FCRL4: variants seen among roughly 807,000 people sequenced by gnomAD.
The protein encoded by FCRL4 is Fc receptor like 4, also known as Fc receptor-like protein 4.
In FCRL4, 43 loss-of-function variants were observed where a neutral mutation model predicts 64.1. That is an observed-to-expected ratio of 0.67 (90% CI 0.53 to 0.87). The LOEUF (loss-of-function observed/expected upper bound fraction) is 0.87, where lower values mean the gene tolerates loss of function less well. Among genes scored for constraint, FCRL4 ranks in the 40% least tolerant of loss-of-function variants. The probability of loss-of-function intolerance (pLI) is 0.00; values close to 1 mark genes in which losing one functional copy is unlikely to be tolerated. For missense variants in FCRL4, 656 were observed against 613.5 expected (o/e 1.07, Z -0.73); for synonymous variants, 253 against 239.8 (o/e 1.05, Z -0.51).
chr1:157,592,934 T>C (rs1030922338), intron 2 of FCRL4, among the ~76,000 whole-genome samples: 39 of 152,232 alleles, frequency 2.6e-4, no homozygotes, highest in Non-Finnish European at 4.9e-4. Flanking sequence ...ATGTCCTTTG[T>C]AGGGACATGG....
chr1:157,592,401 A>G (rs1353378144), intron 2 of FCRL4, among the ~76,000 whole-genome samples: 2 of 152,058 alleles, frequency 1.3e-5, no homozygotes, highest in African/African-American at 4.8e-5. Flanking sequence ...ACAAGAAAAA[A>G]AAACCCATCA....
chr1:157,581,141 G>A (rs1175952083), intron 7 of FCRL4, among the ~76,000 whole-genome samples: 4 of 152,350 alleles, frequency 2.6e-5, no homozygotes, highest in Non-Finnish European at 5.9e-5. Flanking sequence ...AATCATTTCT[G>A]CAGAGCCTTT....
At chr1:157,589,495 G>A (rs770055858) in intron 2 of FCRL4, 37 bp from the exon 3 acceptor site, 4 of 1,604,580 alleles carry the variant, frequency 2.5e-6, no homozygotes, top group Non-Finnish European at 3.4e-6. Flanking sequence ...AGGTGGAGGT[G>A]CCTGCAGTCC....
chr1:157,593,879 A>T lies in FCRL4; in HGVS notation c.52+2449T>A, dbSNP rs115691199. 5.7e-3 allele frequency among the ~76,000 whole-genome samples: 862 copies of T among 152,368 alleles called. 6 individuals are homozygous for T. Among genetic ancestry groups the T allele is most frequent in the African/African-American group, 0.02 (833 of 41,592 alleles). ...ACACAAATTATTCACTATTAGAAAC[A>T]TTCACTCAAACGTCCTTACCAATAT... On this transcript the variant is annotated intron_variant, in intron 2 of 11. Transcript: ENST00000271532.
chr1:157,580,279 A>C (rs774412572), intron 8 of FCRL4, 42 bp downstream of exon 8: 1 of 1,611,254 alleles, frequency 6.2e-7, no homozygotes, highest in Non-Finnish European at 8.5e-7. Flanking sequence ...CATATTGTGT[A>C]CTCGGGAAAC....
In FCRL4 at chr1:157,589,216, G is replaced by A. The variant is rs1652776316; in HGVS notation, c.295C>T (p.Leu99Phe). 6.2e-7 allele frequency: 1 copy of A among 1,613,074 alleles called. No homozygotes were observed. The highest frequency in any genetic ancestry group is 8.5e-7 in the Non-Finnish European group (1 of 1,179,340). ...CCTTCTTTCTCACCTGAAGAAAAGA[G>A]CAAGCGCACAGGGTTACTTCGTGGG... ...GSPRSNPVRL[L>F]FSSDSLILQA... Residue 99 changes from leucine (L) to phenylalanine (F), a missense_variant, in exon 3 of 12, where the codon CTC becomes TTC. Coordinates refer to ENST00000271532, the MANE Select transcript of FCRL4 (RefSeq NM_031282.3).
Position 157,575,601 on chromosome 1 carries a change from C to T in FCRL4, c.1471G>A (p.Val491Ile), listed in dbSNP as rs1305951112. Reference sequence around the variant, plus strand: ...TGTGTCTTTACCTCAGAGTAGACAACTGAGACATCCTGAAATGGAAGAAAG... The same window carrying T: ...TGTGTCTTTACCTCAGAGTAGACAATTGAGACATCCTGAAATGGAAGAAAG... Reference protein sequence around the residue: ...RTLLEDKDVSVVYSEVKTQHP... With the variant: ...RTLLEDKDVSIVYSEVKTQHP... Residue 491 changes from valine to isoleucine, a missense_variant, in exon 12 of 12, where the codon GTT becomes ATT. Physicochemically the swap from Val to Ile is conservative, Grantham distance 29. Coordinates refer to ENST00000271532, the MANE Select transcript of FCRL4 (RefSeq NM_031282.3). The T allele has an allele frequency of 1.9e-6, 3 of 1,613,600 alleles. No individual in the cohort carries two copies. The highest frequency in any genetic ancestry group is 2.7e-5 in the African/African-American group (2 of 74,872).
chr1:157,594,045 C>T (rs1268022411), intron 2 of FCRL4, among the ~76,000 whole-genome samples: 4 of 152,144 alleles, frequency 2.6e-5, no homozygotes, highest in Non-Finnish European at 5.9e-5. Context: ...TATGTGGAAC[C>T]ACTGCTCTGA....
chr1:157,577,472 A>T (rs1199063699), intron 10 of FCRL4, among the ~76,000 whole-genome samples: 1 of 152,236 alleles, frequency 6.6e-6, no homozygotes, highest in Non-Finnish European at 1.5e-5. Context: ...CAGGGACTGG[A>T]TTTATCTTCC....
intron 10 of FCRL4, among the ~76,000 whole-genome samples, chr1:157,576,875 A>G (rs1652427272): frequency 6.6e-6 from 1 of 152,218 alleles, no homozygotes; most frequent in African/African-American, 2.4e-5. Flanking sequence ...TTTGTCCTTT[A>G]CTGGCTTTGT....
rs1184216327 is a variant in FCRL4, at chr1:157,585,371, TTTCTTTCTTTCTTTC to T, written c.1135+782_1135+796del. Reference sequence around the variant, plus strand: ...CTTTCTTTCTTTCTTTCTTTCTTTCTTTCTTTCTTTCTTTCTTTCTTTCCTTCTTTCTTTCTTTCT... The same window carrying T: ...CTTTCTTTCTTTCTTTCTTTCTTTCTTTTCTTTCCTTCTTTCTTTCTTTCT... On this transcript the variant is annotated intron_variant, in intron 6 of 11. Transcript: ENST00000271532. 5.6e-3 allele frequency among the ~76,000 whole-genome samples: 674 copies of T among 119,550 alleles called. 3 individuals carry two copies. Among genetic ancestry groups the T allele is most frequent in the Non-Finnish European group, 7.7e-3 (433 of 56,374 alleles). The allele number at this position is 119,550 out of a possible 152,430, so 78.4% of individuals were successfully genotyped here.
At position 157,575,746 on chromosome 1, in the gene FCRL4, G is replaced by T; in HGVS notation, c.1430-16C>A. On this transcript the variant is annotated splice_polypyrimidine_tract_variant and intron_variant, in intron 10 of 11. Coordinates refer to ENST00000271532, the MANE Select transcript of FCRL4 (RefSeq NM_031282.3). ...GAGGTATTAGCTGTGGACAGAAAGA[G>T]AATCACTGGACTATGGGCATAATGA... is the stretch of plus-strand genomic sequence containing the variant. 1.2e-6 allele frequency: 2 copies of T among 1,613,236 alleles called. No homozygotes were observed. The highest frequency in any genetic ancestry group is 1.3e-5 in the African/African-American group (1 of 75,002).
In FCRL4 at chr1:157,596,341, G is replaced by T; in HGVS notation, c.39C>A (p.Val13=). The T allele has an allele frequency of 6.2e-7, 1 of 1,613,996 alleles. No individual in the cohort carries two copies. The highest frequency in any genetic ancestry group is 1.1e-5 in the South Asian group (1 of 91,058). Residue 13 remains valine, a synonymous_variant, in exon 2 of 12, where the codon GTC becomes GTA. Transcript: ENST00000271532. ...LWASLLAFAP[V]CGQSAAAHKP... ...ATAAGGACTTACCAGATTGTCCACA[G>T]ACTGGAGCTGAAAGAGAGTAAAGAG...
intron 2 of FCRL4, among the ~76,000 whole-genome samples, chr1:157,594,443 G>A (rs1357748236): frequency 6.6e-6 from 1 of 152,180 alleles, no homozygotes; most frequent in African/African-American, 2.4e-5. Context: ...AGCTGTGGCA[G>A]CTACCACATT....
intron 7 of FCRL4, 44 bp downstream of exon 7, chr1:157,581,487 G>C: frequency 1.3e-6 from 2 of 1,543,472 alleles, no homozygotes; most frequent in Non-Finnish European, 1.8e-6. Context: ...TGAGTTCAGG[G>C]GAAGGAACAG....
At position 157,578,843 on chromosome 1, in the gene FCRL4, G is replaced by A. The variant is rs763838361; in HGVS notation, c.1287C>T (p.Pro429=). 47 of 1,612,492 alleles carry A rather than the reference G, an allele frequency of 2.9e-5. No homozygotes were observed. The highest frequency in any genetic ancestry group is 1.8e-4 in the South Asian group (16 of 90,880). Reference sequence around the variant, plus strand: ...GGGAGGACTCTCCTGGGCCTGGAGCGGGAGGGAGCCTGTGAGACACAGAAA... The same window carrying A: ...GGGAGGACTCTCCTGGGCCTGGAGCAGGAGGGAGCCTGTGAGACACAGAAA... The part of the protein sequence containing the change: ...GFLGDETRLP[P]APGPGESSHS... Residue 429 remains proline, a synonymous_variant, in exon 9 of 12, where the codon CCC becomes CCT. Coordinates refer to ENST00000271532, the MANE Select transcript of FCRL4 (RefSeq NM_031282.3).
intron 2 of FCRL4, among the ~76,000 whole-genome samples, chr1:157,594,349 G>C (rs1285355117): frequency 6.6e-6 from 1 of 152,192 alleles, no homozygotes; most frequent in Non-Finnish European, 1.5e-5. Flanking sequence ...CACACTGGGT[G>C]CTCTTTGACA....
rs144040210 is a variant in FCRL4, at chr1:157,597,930, C to G, written c.15G>C (p.Ala5=). 1.2e-6 allele frequency: 2 copies of G among 1,613,204 alleles called. No individual in the cohort carries two copies. Among genetic ancestry groups the G allele is most frequent in the Admixed American group, 3.3e-5 (2 of 59,936 alleles). ...ATCACTTACCAAAGGCCAGCAAGGA[C>G]GCCCACAGCAGCATGGAAGCCTGCT... MLLW[A]SLLAFAPVCG... Residue 5 remains alanine (A), a synonymous_variant, in exon 1 of 12, where the codon GCG becomes GCC. Coordinates refer to ENST00000271532, the MANE Select transcript of FCRL4 (RefSeq NM_031282.3).
At chr1:157,597,196 A>G (rs1198548534) in intron 1 of FCRL4, among the ~76,000 whole-genome samples, 1 of 152,196 alleles carries the variant, frequency 6.6e-6, no homozygotes, top group African/African-American at 2.4e-5. Flanking sequence ...GTGGCATGCC[A>G]AGTATACCCA....
Sources: gnomAD v4.1 joint callset for allele counts (sites outside exome capture counted in the v4.1 genomes callset) on GRCh38, gnomAD v4.1.1 for gene constraint, MANE v1.5 for transcripts, NCBI Gene and HGNC (gene_info 2026-07-23, HGNC 2026-07-21) for gene names.